MGAT4C: variants seen among roughly 807,000 people sequenced by gnomAD.
The protein encoded by MGAT4C is MGAT4 family member C.
In MGAT4C, 19 loss-of-function variants were observed where a neutral mutation model predicts 40.1. The observed-to-expected ratio is 0.47, with a 90% confidence interval of 0.33 to 0.70. The LOEUF is 0.70. MGAT4C is among the 30% of genes least tolerant of loss of function. The pLI is 0.02. For synonymous variants in MGAT4C, 181 were observed against 187.1 expected, an observed-to-expected ratio of 0.97 and a Z score of 0.27; for missense variants, 491 against 563.2, an observed-to-expected ratio of 0.87 and a Z score of 1.30.
chr12:86,494,407 T>C (rs1958199512), intron 2 of MGAT4C, among the ~76,000 whole-genome samples: 2 of 151,966 alleles, frequency 1.3e-5, no homozygotes, highest in South Asian at 4.1e-4. Flanking sequence ...TTCAATTTTA[T>C]TTTTTAGCCC....
intron 3 of MGAT4C, among the ~76,000 whole-genome samples, chr12:86,359,494 G>C (rs1339574016): frequency 6.6e-6 from 1 of 150,434 alleles, no homozygotes; most frequent in Admixed American, 6.6e-5. Flanking sequence ...AACTGAAGGA[G>C]ATAGAGACAT....
At chr12:86,340,638 A>G (rs1164125380) in intron 3 of MGAT4C, among the ~76,000 whole-genome samples, 1 of 152,118 alleles carries the variant, frequency 6.6e-6, no homozygotes, top group Non-Finnish European at 1.5e-5. Context: ...GCAAGCAGAG[A>G]AGACAGAAGA....
intron 1 of MGAT4C, among the ~76,000 whole-genome samples, chr12:86,747,424 G>A (rs2136137300): frequency 6.6e-6 from 1 of 151,610 alleles, no homozygotes; most frequent in East Asian, 1.9e-4. Flanking sequence ...TGTGGAGGTT[G>A]TTATAATTCA....
chr12:86,268,664 C>CATATATATAT (rs35503864), intron 4 of MGAT4C, among the ~76,000 whole-genome samples: 63 of 143,794 alleles, frequency 4.4e-4, no homozygotes, highest in Admixed American at 3.4e-3. Flanking sequence ...ATATTAACTA[C>CATATATATAT]ATATATATAT....
chr12:86,733,629 T>C (rs1016454437), intron 1 of MGAT4C, among the ~76,000 whole-genome samples: 1 of 152,140 alleles, frequency 6.6e-6, no homozygotes, highest in Non-Finnish European at 1.5e-5. Flanking sequence ...TCACAATAGA[T>C]GTCAGTATAG....
intron 1 of MGAT4C, among the ~76,000 whole-genome samples, chr12:86,773,942 CTTCT>C (rs143910303): frequency 0.27 from 28,623 of 104,714 alleles, 5,463 homozygotes; most frequent in Admixed American, 0.42. Context: ...TTTAAAGTAA[CTTCT>C]TTTTTTTTTT....
chr12:86,628,759 A>C (rs917895149), intron 2 of MGAT4C, among the ~76,000 whole-genome samples: 2 of 152,202 alleles, frequency 1.3e-5, no homozygotes, highest in Admixed American at 1.3e-4. Context: ...CTAAACACGG[A>C]AAGGAAAAAC....
intron 2 of MGAT4C, among the ~76,000 whole-genome samples, chr12:86,701,341 G>A (rs543172858): frequency 6.6e-6 from 1 of 151,744 alleles, no homozygotes; most frequent in Non-Finnish European, 1.5e-5. Flanking sequence ...TCACATTTTG[G>A]TAATTCTCAC....
chr12:86,103,236 T>C (rs934434101), intron 1 of MGAT4C, among the ~76,000 whole-genome samples: 2 of 152,154 alleles, frequency 1.3e-5, no homozygotes, highest in Non-Finnish European at 2.9e-5. Flanking sequence ...TGTTACCTTA[T>C]AAGGCAAAAG....
intron 1 of MGAT4C, among the ~76,000 whole-genome samples, chr12:86,246,446 T>C (rs1240880220): frequency 1.3e-5 from 2 of 152,148 alleles, no homozygotes; most frequent in African/African-American, 4.8e-5. Context: ...TTACCATCTA[T>C]AAACATGCTT....
chr12:86,575,553 G>A (rs1365765519), intron 2 of MGAT4C, among the ~76,000 whole-genome samples: 1 of 151,704 alleles, frequency 6.6e-6, no homozygotes, highest in Non-Finnish European at 1.5e-5. Flanking sequence ...CATTTTTATG[G>A]CTAAATAGTA....
intron 3 of MGAT4C, among the ~76,000 whole-genome samples, chr12:86,392,511 T>C (rs1272924518): frequency 6.6e-6 from 1 of 151,990 alleles, no homozygotes; most frequent in African/African-American, 2.4e-5. Context: ...CCAGAAGAAT[T>C]AGGTACTGTC....
chr12:86,636,020 T>C (rs1480931844), intron 2 of MGAT4C, among the ~76,000 whole-genome samples: 1 of 151,944 alleles, frequency 6.6e-6, no homozygotes, highest in Non-Finnish European at 1.5e-5. Flanking sequence ...ACAAAAATAC[T>C]TGCCATTGTG....
chr12:86,730,997 G>C (rs569830434), intron 1 of MGAT4C, among the ~76,000 whole-genome samples: 3 of 152,044 alleles, frequency 2.0e-5, no homozygotes, highest in African/African-American at 4.8e-5. Context: ...ACAGTAATTT[G>C]CTTTTGGTCA....
intron 1 of MGAT4C, among the ~76,000 whole-genome samples, chr12:86,091,066 T>C (rs1389826907): frequency 1.3e-5 from 2 of 151,940 alleles, no homozygotes; most frequent in Non-Finnish European, 1.5e-5. Context: ...ACAATAAAAA[T>C]GTTAAAAACT....
At chr12:86,680,952 T>C (rs186937873) in intron 2 of MGAT4C, among the ~76,000 whole-genome samples, 2 of 152,134 alleles carry the variant, frequency 1.3e-5, no homozygotes, top group East Asian at 1.9e-4. Context: ...TTTTTTCTGG[T>C]ATGTGATACA....
At chr12:86,295,525 G>A (rs1344082280) in intron 4 of MGAT4C, among the ~76,000 whole-genome samples, 3 of 152,166 alleles carry the variant, frequency 2.0e-5, no homozygotes, top group Non-Finnish European at 2.9e-5. Flanking sequence ...AGAGTGAGCA[G>A]TAGCAAGATT....
At chr12:86,547,032 T>C (rs4842741) in intron 2 of MGAT4C, among the ~76,000 whole-genome samples, 116,620 of 151,854 alleles carry the variant, frequency 0.77, 46,573 homozygotes, top group Non-Finnish European at 0.88. Context: ...ATGTAAAAAT[T>C]TTTTTCCAGG....
intron 1 of MGAT4C, among the ~76,000 whole-genome samples, chr12:86,117,590 C>T (rs1031058107): frequency 6.6e-6 from 1 of 152,074 alleles, no homozygotes. Context: ...GAAGAACCAT[C>T]ATCACTCTAC....
Sources: gnomAD v4.1 joint callset for allele counts (sites outside exome capture counted in the v4.1 genomes callset) on GRCh38, gnomAD v4.1.1 for gene constraint, MANE v1.5 for transcripts, NCBI Gene and HGNC (gene_info 2026-07-23, HGNC 2026-07-21) for gene names.